Variants in PTPRZ1 observed in about 807,000 individuals in gnomAD.
PTPRZ1 encodes the protein protein tyrosine phosphatase receptor type Z1.
A neutral mutation model predicts 214.1 loss-of-function variants in PTPRZ1; 82 were observed. The observed-to-expected ratio is 0.38, with a 90% confidence interval of 0.32 to 0.46. PTPRZ1 has a LOEUF of 0.46. Ranked by LOEUF, PTPRZ1 falls within the 20% of genes least tolerant of loss-of-function variation. The pLI, the probability that PTPRZ1 is intolerant of heterozygous loss-of-function variation, is 1.00. For synonymous variants in PTPRZ1, 945 were observed against 987.9 expected (o/e 0.96, Z 0.81); for missense variants, 2,603 against 2,748.7 (o/e 0.95, Z 1.19).
At chr7:121,994,901 A>G (rs1166601690) in intron 8 of PTPRZ1, among the ~76,000 whole-genome samples, 1 of 152,198 alleles carries the variant, frequency 6.6e-6, no homozygotes, top group African/African-American at 2.4e-5. Flanking sequence ...AGCCCTCCCT[A>G]AACAAAAAAT....
At chr7:121,884,387 TA>T (rs1449664688) in intron 1 of PTPRZ1, among the ~76,000 whole-genome samples, 1 of 152,218 alleles carries the variant, frequency 6.6e-6, no homozygotes, top group Non-Finnish European at 1.5e-5. Context: ...TGCACGTGTA[TA>T]TTTCATATAT....
At chr7:122,027,758 A>G (rs543267313) in intron 13 of PTPRZ1, among the ~76,000 whole-genome samples, 1 of 152,282 alleles carries the variant, frequency 6.6e-6, no homozygotes, top group East Asian at 1.9e-4. Context: ...CTCTTACCAG[A>G]TGCTACTCTT....
chr7:121,938,830 C>T (rs1796163543), intron 2 of PTPRZ1, among the ~76,000 whole-genome samples: 1 of 152,186 alleles, frequency 6.6e-6, no homozygotes, highest in African/African-American at 2.4e-5. Context: ...TGTCCTTACA[C>T]TTCCTAATTA....
At chr7:121,938,650 T>G (rs1373748013) in intron 2 of PTPRZ1, among the ~76,000 whole-genome samples, 1 of 151,974 alleles carries the variant, frequency 6.6e-6, no homozygotes, top group Non-Finnish European at 1.5e-5. Flanking sequence ...AAAGGGCCTA[T>G]CTAGCTTTCA....
Position 122,013,276 on chromosome 7 carries a change from C to T in PTPRZ1, c.4230C>T (p.Ala1410=), listed in dbSNP as rs759159045. The change falls in exon 12 of 30, where the codon GCC becomes GCT. Residue 1410 remains alanine (A), a synonymous_variant. Coordinates refer to ENST00000393386, the MANE Select transcript of PTPRZ1 (RefSeq NM_002851.3). ...SELSHSAKSD[A]GLVGGGEDGD... is the part of the protein sequence containing the mutation. ...TGAGTCATAGTGCCAAATCTGATGCCGGTTTAGTGGGTGGTGGTGAAGATG... is the reference window on the plus strand; with the variant it reads ...TGAGTCATAGTGCCAAATCTGATGCTGGTTTAGTGGGTGGTGGTGAAGATG... 1.7e-5 allele frequency: 27 copies of T among 1,613,452 alleles called. No homozygotes were observed. Among genetic ancestry groups the T allele is most frequent in the East Asian group, 2.2e-5 (1 of 44,870 alleles).
intron 1 of PTPRZ1, among the ~76,000 whole-genome samples, chr7:121,900,942 CTTA>C (rs1483863070): frequency 1.3e-5 from 2 of 152,070 alleles, no homozygotes; most frequent in Non-Finnish European, 2.9e-5. Context: ...CCCTGTAAGA[CTTA>C]TTATATCCAT....
intron 25 of PTPRZ1, among the ~76,000 whole-genome samples, chr7:122,053,010 CA>C (rs1038987754): frequency 2.0e-5 from 3 of 152,168 alleles, no homozygotes; most frequent in African/African-American, 7.2e-5. Flanking sequence ...GATTCACCTG[CA>C]TGGGTTCCAT....
chr7:121,952,159 C>T (rs1215880589), intron 2 of PTPRZ1, among the ~76,000 whole-genome samples: 4 of 152,062 alleles, frequency 2.6e-5, no homozygotes, highest in Admixed American at 6.5e-5. Context: ...AGGGTTTCAC[C>T]GTGTTAGCGA....
intron 1 of PTPRZ1, among the ~76,000 whole-genome samples, chr7:121,886,239 T>C (rs1794392774): frequency 6.6e-6 from 1 of 152,118 alleles, no homozygotes; most frequent in East Asian, 1.9e-4. Context: ...GAAGTTTCAG[T>C]GAGAAAATAT....
intron 6 of PTPRZ1, among the ~76,000 whole-genome samples, chr7:121,983,196 A>G (rs1797665616): frequency 6.6e-6 from 1 of 152,120 alleles, no homozygotes; most frequent in African/African-American, 2.4e-5. Context: ...TTCCAATTCA[A>G]TGTTAAATAG....
chr7:121,986,432 A>C (rs1265590949), intron 8 of PTPRZ1, among the ~76,000 whole-genome samples: 4 of 152,222 alleles, frequency 2.6e-5, no homozygotes, highest in Non-Finnish European at 2.9e-5. Context: ...TAAAGACATG[A>C]AGCTTCAAAA....
intron 2 of PTPRZ1, among the ~76,000 whole-genome samples, chr7:121,936,484 A>G (rs910099205): frequency 2.0e-5 from 3 of 152,228 alleles, no homozygotes; most frequent in African/African-American, 7.2e-5. Flanking sequence ...ACTGAGGACT[A>G]TAGACTGAGG....
At chr7:122,004,173 TA>T (rs1798408429) in intron 10 of PTPRZ1, among the ~76,000 whole-genome samples, 2 of 152,090 alleles carry the variant, frequency 1.3e-5, no homozygotes, top group Non-Finnish European at 2.9e-5. Flanking sequence ...AATAAGAAAA[TA>T]AATTCTACCA....
chr7:122,042,363 T>C (rs942308049), intron 21 of PTPRZ1, among the ~76,000 whole-genome samples: 2 of 152,192 alleles, frequency 1.3e-5, no homozygotes, highest in African/African-American at 4.8e-5. Context: ...CCAACAGATA[T>C]AGTGAGGTTG....
chr7:121,947,767 T>A (rs1796429535), intron 2 of PTPRZ1, among the ~76,000 whole-genome samples: 1 of 152,176 alleles, frequency 6.6e-6, no homozygotes, highest in African/African-American at 2.4e-5. Context: ...TTTTTTTTTA[T>A]GAGGCCAAAT....
At chr7:122,046,570 T>A (rs1791990369) in intron 23 of PTPRZ1, among the ~76,000 whole-genome samples, 1 of 152,058 alleles carries the variant, frequency 6.6e-6, no homozygotes, top group African/African-American at 2.4e-5. Flanking sequence ...ATTTGGTGAT[T>A]CATTGGACAT....
intron 13 of PTPRZ1, among the ~76,000 whole-genome samples, chr7:122,021,060 T>C (rs879863058): frequency 5.3e-5 from 8 of 152,176 alleles, no homozygotes; most frequent in Non-Finnish European, 1.2e-4. Context: ...GTGTTAAGAA[T>C]TGAAAATAAG....
chr7:121,918,629 G>T (rs1007880237), intron 1 of PTPRZ1, among the ~76,000 whole-genome samples: 122 of 152,054 alleles, frequency 8.0e-4, no homozygotes, highest in African/African-American at 2.8e-3. Context: ...TTATCTAGTT[G>T]TAGAATCAGA....
rs1325946656 is a variant in PTPRZ1, at chr7:122,010,468, C to T, written c.1422C>T (p.Tyr474=). 2 of 1,614,046 alleles carry T rather than the reference C, an allele frequency of 1.2e-6. No homozygotes were observed. The highest frequency in any genetic ancestry group is 1.7e-5 in the Admixed American group (1 of 60,000). Reference sequence around the variant, plus strand: ...ACTACAATCGCATAGGGACGAAATACAATGAAGCCAAGACTAACCGATCCC... The same window carrying T: ...ACTACAATCGCATAGGGACGAAATATAATGAAGCCAAGACTAACCGATCCC... ...TTHYNRIGTK[Y]NEAKTNRSPT... The change falls in exon 12 of 30, where the codon TAC becomes TAT. Residue 474 remains tyrosine, a synonymous_variant. Coordinates refer to ENST00000393386, the MANE Select transcript of PTPRZ1 (RefSeq NM_002851.3).
Sources: gnomAD v4.1 joint callset for allele counts (sites outside exome capture counted in the v4.1 genomes callset) on GRCh38, gnomAD v4.1.1 for gene constraint, MANE v1.5 for transcripts, NCBI Gene and HGNC (gene_info 2026-07-23, HGNC 2026-07-21) for gene names.